UGT3A1: variants seen among roughly 807,000 people sequenced by gnomAD.
UGT3A1 encodes UDP glycosyltransferase family 3 member A1.
Under a neutral mutation model 37.6 loss-of-function variants are expected in UGT3A1, and 40 were observed. That is an observed-to-expected ratio of 1.06 (90% confidence interval 0.83 to 1.38). The LOEUF (loss-of-function observed/expected upper bound fraction) is 1.38, where lower values mean the gene tolerates loss of function less well. UGT3A1 is among the 40% of genes most tolerant of loss of function. UGT3A1 has a pLI of 0.00. For synonymous variants in UGT3A1, 256 were observed against 232.3 expected, an observed-to-expected ratio of 1.10 and a Z score of -0.93; for missense variants, 642 against 634.2, an observed-to-expected ratio of 1.01 and a Z score of -0.13.
At chr5:35,959,350 T>C (rs1346736468) in intron 4 of UGT3A1, among the ~76,000 whole-genome samples, 1 of 152,142 alleles carries the variant, frequency 6.6e-6, no homozygotes, top group Non-Finnish European at 1.5e-5. Flanking sequence ...CCAGAAACCC[T>C]TCCTAAAGAA....
intron 1 of UGT3A1, 182 bp downstream of exon 1, chr5:35,990,965 C>T (rs1740923379): frequency 6.6e-7 from 1 of 1,504,090 alleles, no homozygotes; most frequent in Non-Finnish European, 8.9e-7. Context: ...TCTTCCTCAC[C>T]TCAGCAATAG....
chr5:35,991,163 C>T lies in UGT3A1; in HGVS notation c.78G>A (p.Leu26=). The T allele has an allele frequency of 2.5e-6, 4 of 1,613,708 alleles. No individual in the cohort carries two copies. In the South Asian group the frequency reaches 3.3e-5, roughly 13 times the overall value. ...GVLLSEAAKI[L]TISTLGGSHY... The stretch of plus-strand genomic sequence containing the variant: ...AGCACTCACCCAGTGTAGATATTGT[C>T]AGGATTTTGGCAGCCTCTGAGAGCA... The change falls in exon 1 of 7, where the codon CTG becomes CTA. Residue 26 remains leucine (L), a synonymous_variant. Transcript: ENST00000274278.
At chr5:35,982,593 T>C (rs1220402789) in intron 2 of UGT3A1, among the ~76,000 whole-genome samples, 2 of 152,210 alleles carry the variant, frequency 1.3e-5, no homozygotes, top group East Asian at 3.9e-4. Context: ...AACTGAATTG[T>C]TTTAGATTTA....
At chr5:35,972,279 A>C (rs1198221294) in intron 2 of UGT3A1, among the ~76,000 whole-genome samples, 1 of 152,110 alleles carries the variant, frequency 6.6e-6, no homozygotes, top group Non-Finnish European at 1.5e-5. Context: ...AGTAAGATAG[A>C]TTACCCTCAG....
intron 4 of UGT3A1, among the ~76,000 whole-genome samples, chr5:35,958,391 C>T (rs1292730206): frequency 2.0e-5 from 3 of 152,272 alleles, no homozygotes; most frequent in African/African-American, 7.2e-5. Context: ...GTCTCTAGTC[C>T]TGAGCCCCTC....
rs771052366 is a variant in UGT3A1, at chr5:35,991,251, A to G, written c.-11T>C. On this transcript the variant is annotated 5_prime_UTR_variant, in exon 1 of 7. Coordinates refer to ENST00000274278, the MANE Select transcript of UGT3A1 (RefSeq NM_152404.4). ...CCGCTGCCCAACCATGCTCACTTCC[A>G]CAGAAGCAGCGGATCTCAGCCTGGG... 1 of 1,614,162 alleles carries G rather than the reference A, an allele frequency of 6.2e-7. No individual in the cohort carries two copies. Among genetic ancestry groups the G allele is most frequent in the Non-Finnish European group, 8.5e-7 (1 of 1,179,998 alleles).
chr5:35,954,680 A>G lies in UGT3A1; in HGVS notation c.1296-202T>C, dbSNP rs184926682. 128 of 596,850 alleles carry G rather than the reference A, an allele frequency of 2.1e-4. 1 individual carries two copies. The highest frequency in any genetic ancestry group is 2.0e-3 in the African/African-American group (106 of 54,064). 37.0% of individuals were successfully genotyped at this position (596,850 alleles called of 1,614,324 possible). On this transcript the variant is annotated intron_variant, in intron 6 of 6. Coordinates refer to ENST00000274278, the MANE Select transcript of UGT3A1 (RefSeq NM_152404.4). Reference sequence around the variant, plus strand: ...AAAAGTTCAATAAAAACACCCACATACAAAGACCAATGATTAATTCTAAAA... The same window carrying G: ...AAAAGTTCAATAAAAACACCCACATGCAAAGACCAATGATTAATTCTAAAA...
chr5:35,972,409 C>T (rs143875039), intron 2 of UGT3A1, among the ~76,000 whole-genome samples: 23 of 151,966 alleles, frequency 1.5e-4, no homozygotes, highest in African/African-American at 5.5e-4. Flanking sequence ...TCAGATCTTG[C>T]TTGAGACTTT....
At chr5:35,962,033 CCA>C (rs1739607203) in intron 4 of UGT3A1, 1 of 28,726 alleles carries the variant, frequency 3.5e-5, no homozygotes, top group African/African-American at 2.3e-4. Context: ...ACACTGGGAT[CCA>C]TCCCATCCAG....
At chr5:35,962,749 T>A (rs1739638899) in intron 4 of UGT3A1, 2 of 611,446 alleles carry the variant, frequency 3.3e-6, no homozygotes, top group Admixed American at 5.5e-5. Flanking sequence ...CAGTCCTTCA[T>A]AATTTGGCCA....
intron 2 of UGT3A1, among the ~76,000 whole-genome samples, chr5:35,978,177 G>C (rs2149979375): frequency 6.6e-6 from 1 of 152,246 alleles, no homozygotes; most frequent in South Asian, 2.1e-4. Flanking sequence ...TGGGATTACA[G>C]GTGCACACCT....
rs1471050867 is a variant in UGT3A1, at chr5:35,954,300, GA to G, written c.1473del (p.Leu492CysfsTer29). On this transcript the variant is annotated frameshift_variant, in exon 7 of 7. Coordinates refer to ENST00000274278, the MANE Select transcript of UGT3A1 (RefSeq NM_152404.4). LOFTEE classifies it low-confidence loss of function (END_TRUNC). ...ATAGTGCCCAGAGTGAGCCCCAGCA[GA>G]AACACAAAGACATCAATGAGGTACT... The part of the protein sequence containing the change: ...HEQYLIDVFV[F>X]LLGLTLGTMW... 1 of 1,614,068 alleles carries G rather than the reference GA, an allele frequency of 6.2e-7. No individual in the cohort carries two copies. The highest frequency in any genetic ancestry group is 8.5e-7 in the Non-Finnish European group (1 of 1,180,032).
chr5:35,989,627 G>A (rs1740857951), intron 1 of UGT3A1, among the ~76,000 whole-genome samples: 1 of 152,190 alleles, frequency 6.6e-6, no homozygotes, highest in Non-Finnish European at 1.5e-5. Flanking sequence ...GGTCCTCACA[G>A]AAACAGCCAC....
intron 4 of UGT3A1, among the ~76,000 whole-genome samples, chr5:35,958,009 C>A (rs75811396): frequency 0.14 from 21,845 of 152,102 alleles, 1,651 homozygotes; most frequent in African/African-American, 0.19. Context: ...CTATTTCATC[C>A]TCAATTCCAT....
rs761985145 is a variant in UGT3A1 at position 35,955,746 on chromosome 5, C to G, written c.1194G>C (p.Met398Ile). ...LPVNGDQHGN[M>I]VRVVAKNYGV... is the part of the protein sequence containing the mutation. ...CATAATTTTTGGCTACTACTCGGAC[C>G]ATGTTTCCATGCTGGTCTCCATTGA... Residue 398 changes from methionine (M) to isoleucine (I), a missense_variant, in exon 6 of 7, where the codon ATG becomes ATC. Physicochemically the swap from Met to Ile is conservative, Grantham distance 10. Transcript: ENST00000274278. The G allele has an allele frequency of 1.1e-5, 18 of 1,614,222 alleles. No homozygotes were observed. The South Asian group carries it at 2.0e-4, about 18-fold the overall frequency.
At chr5:35,959,348 C>T (rs901204575) in intron 4 of UGT3A1, among the ~76,000 whole-genome samples, 3 of 152,066 alleles carry the variant, frequency 2.0e-5, no homozygotes, top group Non-Finnish European at 2.9e-5. Flanking sequence ...ATCCAGAAAC[C>T]CTTCCTAAAG....
At chr5:35,998,904 A>G (rs1580974210) in intron 1 of UGT3A1, among the ~76,000 whole-genome samples, 1 of 152,142 alleles carries the variant, frequency 6.6e-6, no homozygotes, top group East Asian at 1.9e-4. Context: ...TGCTATGGAA[A>G]GAGAGAGAAT....
Position 35,965,586 on chromosome 5 carries a change from A to T in UGT3A1, c.643T>A (p.Trp215Arg). 6.2e-7 allele frequency: 1 copy of T among 1,614,218 alleles called. No homozygotes were observed. The highest frequency in any genetic ancestry group is 1.3e-5 in the African/African-American group (1 of 75,058). Reference sequence around the variant, plus strand: ...TTGTCAAATGTAGACTGCATGTCCCATTGGCTCCTGGAGAAACTAAAGAAC... The same window carrying T: ...TTGTCAAATGTAGACTGCATGTCCCTTTGGCTCCTGGAGAAACTAAAGAAC... Reference protein sequence around the residue: ...LMFFSFSRSQWDMQSTFDNTI... With the variant: ...LMFFSFSRSQRDMQSTFDNTI... Residue 215 changes from tryptophan to arginine, a missense_variant, in exon 4 of 7, where the codon TGG (tryptophan) becomes AGG (arginine). Transcript: ENST00000274278.
chr5:35,957,421 TAGAG>T lies in UGT3A1; in HGVS notation c.844-6_844-3del, dbSNP rs781687407. ...GTTGGCAATGAAGTTGTCCAAGTCC[TAGAG>T]AGAGATGACAAAAGAAAGGAGGTGG... On this transcript the variant is annotated splice_polypyrimidine_tract_variant and splice_region_variant and intron_variant, in intron 4 of 6. Coordinates refer to ENST00000274278, the MANE Select transcript of UGT3A1 (RefSeq NM_152404.4). The T allele has an allele frequency of 8.1e-6, 13 of 1,612,276 alleles. No individual in the cohort carries two copies. The highest frequency in any genetic ancestry group is 1.1e-5 in the Non-Finnish European group (13 of 1,179,112).
Sources: gnomAD v4.1 joint callset for allele counts (sites outside exome capture counted in the v4.1 genomes callset) on GRCh38, gnomAD v4.1.1 for gene constraint, MANE v1.5 for transcripts, NCBI Gene and HGNC (gene_info 2026-07-23, HGNC 2026-07-21) for gene names.